RTN1: variants seen among roughly 807,000 people sequenced by gnomAD.
RTN1 encodes the protein reticulon-1.
Under a neutral mutation model 65.5 loss-of-function variants are expected in RTN1, and 25 were observed. The observed-to-expected ratio is 0.38, with a 90% CI of 0.28 to 0.53. The LOEUF is 0.53. RTN1 is among the 20% of genes least tolerant of loss of function. RTN1 has a pLI of 0.79. For missense variants in RTN1, 983 were observed against 1,025.4 expected, an observed-to-expected ratio of 0.96 and a Z score of 0.57; for synonymous variants, 471 against 447.6, an observed-to-expected ratio of 1.05 and a Z score of -0.66.
chr14:59,646,742 T>C (rs1483928712), intron 3 of RTN1, among the ~76,000 whole-genome samples: 1 of 152,036 alleles, frequency 6.6e-6, no homozygotes, highest in Non-Finnish European at 1.5e-5. Context: ...AAGCAAATGC[T>C]GAGGGAGATC....
At chr14:59,685,014 C>T (rs577051307) in intron 3 of RTN1, among the ~76,000 whole-genome samples, 96 of 152,182 alleles carry the variant, frequency 6.3e-4, no homozygotes, top group African/African-American at 1.3e-3. Flanking sequence ...GATGCAAGAA[C>T]GGTTCAACAT....
chr14:59,835,450 A>T (rs1235074856), intron 1 of RTN1, among the ~76,000 whole-genome samples: 1 of 152,128 alleles, frequency 6.6e-6, no homozygotes, highest in Non-Finnish European at 1.5e-5. Context: ...TGTGTAGTTT[A>T]TTTTATGTTG....
chr14:59,785,280 C>T (rs1224282458), intron 1 of RTN1, among the ~76,000 whole-genome samples: 1 of 152,200 alleles, frequency 6.6e-6, no homozygotes, highest in Non-Finnish European at 1.5e-5. Context: ...CTCATCAGTG[C>T]TCAAGCTGTT....
At chr14:59,606,127 T>TATA (rs1566658130) in intron 4 of RTN1, 1 of 45,346 alleles carries the variant, frequency 2.2e-5, no homozygotes, top group African/African-American at 4.5e-5. Flanking sequence ...TATATATATA[T>TATA]CATACCAGCT....
At chr14:59,667,473 G>T (rs1420070257) in intron 3 of RTN1, among the ~76,000 whole-genome samples, 2 of 152,048 alleles carry the variant, frequency 1.3e-5, no homozygotes, top group Non-Finnish European at 2.9e-5. Flanking sequence ...AATAATAAGA[G>T]ATATTTTTGA....
In RTN1 at chr14:59,790,138, GA is replaced by G. The variant is rs1415221250; in HGVS notation, c.242-43658del. Among the ~76,000 whole-genome samples the G allele has an allele frequency of 6.6e-6, 1 of 152,112 alleles. No homozygotes were observed. The highest frequency in any genetic ancestry group is 2.4e-5 in the African/African-American group (1 of 41,430). ...GAAGAAAACCTGAAATAATGACTTAGAAGAAAGGCTTCAAATAACCAGTCCA... is the reference window on the plus strand; with the variant it reads ...GAAGAAAACCTGAAATAATGACTTAGAGAAAGGCTTCAAATAACCAGTCCA... On this transcript the variant is annotated intron_variant, in intron 1 of 8. Coordinates refer to ENST00000267484, the MANE Select transcript of RTN1 (RefSeq NM_021136.3). The surrounding 1 kb of genome is among the most constrained non-coding windows in gnomAD (Gnocchi z 4.1).
At chr14:59,723,704 T>C (rs1884697856) in intron 3 of RTN1, among the ~76,000 whole-genome samples, 1 of 152,228 alleles carries the variant, frequency 6.6e-6, no homozygotes, top group South Asian at 2.1e-4. Context: ...TATGCACTTA[T>C]GCACAGGGGA....
intron 3 of RTN1, among the ~76,000 whole-genome samples, chr14:59,685,541 T>C (rs937034795): frequency 1.3e-5 from 2 of 151,938 alleles, no homozygotes; most frequent in Non-Finnish European, 2.9e-5. Flanking sequence ...ATCTGAAAAA[T>C]AAATCAAGAA....
Position 59,867,393 on chromosome 14 carries a change from C to T in RTN1, c.241+2997G>A, listed in dbSNP as rs375034284. 5.9e-5 allele frequency among the ~76,000 whole-genome samples: 9 copies of T among 152,250 alleles called. No homozygotes were observed. In the East Asian group the frequency reaches 1.7e-3, roughly 29 times the overall value. ...TACGGTGTATTAAATGTTCCCTTGT[C>T]AACACACATAATTTCACATGTCCAT... is the stretch of plus-strand genomic sequence containing the variant. On this transcript the variant is annotated intron_variant, in intron 1 of 8. Transcript: ENST00000267484.
At chr14:59,603,816 G>C (rs750252386) in intron 6 of RTN1, 36 bp downstream of exon 6, 1 of 1,555,010 alleles carries the variant, frequency 6.4e-7, no homozygotes, top group African/African-American at 1.4e-5. Context: ...CACAGAGGGG[G>C]TGAAGGAAGA....
chr14:59,677,049 G>A (rs1047143427), intron 3 of RTN1, among the ~76,000 whole-genome samples: 6 of 152,234 alleles, frequency 3.9e-5, no homozygotes, highest in Non-Finnish European at 7.4e-5. Context: ...CATTCCTATC[G>A]GGTGTACCAG....
At chr14:59,860,438 C>T (rs1386499170) in intron 1 of RTN1, among the ~76,000 whole-genome samples, 1 of 152,186 alleles carries the variant, frequency 6.6e-6, no homozygotes, top group East Asian at 1.9e-4. Flanking sequence ...AAGTTTGCTG[C>T]AGGGGTGGGG....
At chr14:59,608,785 A>G (rs1374185618) in intron 3 of RTN1, among the ~76,000 whole-genome samples, 5 of 152,226 alleles carry the variant, frequency 3.3e-5, no homozygotes, top group South Asian at 2.1e-4. Flanking sequence ...CCTTTCCTCT[A>G]TTACATTTCT....
At chr14:59,776,097 G>C (rs1886045012) in intron 1 of RTN1, among the ~76,000 whole-genome samples, 1 of 151,898 alleles carries the variant, frequency 6.6e-6, no homozygotes, top group Admixed American at 6.6e-5. Flanking sequence ...TTGTATCTTT[G>C]AGAATAAATA....
At chr14:59,709,879 C>T (rs186803171) in intron 3 of RTN1, among the ~76,000 whole-genome samples, 10 of 152,276 alleles carry the variant, frequency 6.6e-5, no homozygotes, top group Non-Finnish European at 1.3e-4. Context: ...CCAAATACTA[C>T]TTCAAATATT....
intron 1 of RTN1, among the ~76,000 whole-genome samples, chr14:59,793,533 T>C (rs1886385725): frequency 6.6e-6 from 1 of 152,144 alleles, no homozygotes; most frequent in African/African-American, 2.4e-5. Context: ...GACTAATTAC[T>C]GTGTGTAAGT....
At chr14:59,851,188 G>A (rs1296368940) in intron 1 of RTN1, among the ~76,000 whole-genome samples, 1 of 152,158 alleles carries the variant, frequency 6.6e-6, no homozygotes, top group African/African-American at 2.4e-5. Flanking sequence ...AATAAACGTT[G>A]TGTGACATTT....
chr14:59,769,816 A>G (rs970419125), intron 1 of RTN1, among the ~76,000 whole-genome samples: 2 of 152,216 alleles, frequency 1.3e-5, no homozygotes, highest in African/African-American at 4.8e-5. Flanking sequence ...AACAAAAGAT[A>G]CAGGAAGGAG....
intron 3 of RTN1, among the ~76,000 whole-genome samples, chr14:59,680,582 G>A (rs1460562056): frequency 6.6e-6 from 1 of 152,102 alleles, no homozygotes; most frequent in Non-Finnish European, 1.5e-5. Context: ...TCCAGGCATT[G>A]CCACATAAAG....
Sources: allele counts gnomAD v4.1 joint callset (sites outside exome capture counted in the v4.1 genomes callset), GRCh38; gene constraint gnomAD v4.1.1; non-coding constraint Gnocchi (gnomAD v3.1); transcripts MANE v1.5; gene names NCBI Gene and HGNC (gene_info 2026-07-23, HGNC 2026-07-21).